The following SCAMP5 variants were observed in gnomAD, a reference collection of about 807,000 sequenced individuals.
SCAMP5 encodes the protein secretory carrier membrane protein 5.
SCAMP5 carries 7 observed loss-of-function variants against 28.3 expected under a neutral mutation model. The ratio of observed to expected loss-of-function variants is 0.25; its 90% CI spans 0.14 to 0.46. The LOEUF is 0.46. SCAMP5 is among the 20% of genes least tolerant of loss of function. The pLI, the probability that SCAMP5 is intolerant of heterozygous loss-of-function variation, is 0.99. For synonymous variants in SCAMP5, 117 were observed against 116.4 expected (o/e 1.00, Z -0.03); for missense variants, 192 against 312.5 (o/e 0.61, Z 2.91).
In SCAMP5 at chr15:75,018,715, T is replaced by C. The variant is rs1436292739; in HGVS notation, c.514-74T>C. The C allele has an allele frequency of 8.5e-7, 1 of 1,175,530 alleles. No homozygotes were observed. The highest frequency in any genetic ancestry group is 2.3e-5 in the East Asian group (1 of 42,824). The allele number at this position is 1,175,530 out of a possible 1,614,324, so 72.8% of individuals were successfully genotyped here. ...GGGAGCACTGTTTTTTTTTTACAGATGGGTCCCATCTATTTCCTGGATGGG... is the reference window on the plus strand; with the variant it reads ...GGGAGCACTGTTTTTTTTTTACAGACGGGTCCCATCTATTTCCTGGATGGG... On this transcript the variant is annotated intron_variant, in intron 6 of 6. Transcript: ENST00000425597. The surrounding 1 kb of genome is among the most constrained non-coding windows in gnomAD (Gnocchi z 5.6).
intron 1 of SCAMP5, among the ~76,000 whole-genome samples, chr15:75,009,453 G>GTGTGTGTGT (rs1257526366): frequency 6.6e-6 from 1 of 150,944 alleles, no homozygotes. Context: ...GTGTGTGTGT[G>GTGTGTGTGT]TGTGTGTGTG....
chr15:75,002,685 C>T (rs1004192080), intron 1 of SCAMP5, among the ~76,000 whole-genome samples: 4 of 151,782 alleles, frequency 2.6e-5, no homozygotes, highest in African/African-American at 9.7e-5. Flanking sequence ...GGGCTTTCCT[C>T]GTGTCTCATC....
chr15:74,998,268 A>G (rs1646243241), intron 1 of SCAMP5, among the ~76,000 whole-genome samples: 1 of 152,186 alleles, frequency 6.6e-6, no homozygotes, highest in Non-Finnish European at 1.5e-5. Flanking sequence ...ATTATAAAAG[A>G]TTATCAGTTG....
At chr15:75,012,166 T>C (rs2065817587) in intron 2 of SCAMP5, among the ~76,000 whole-genome samples, 1 of 152,232 alleles carries the variant, frequency 6.6e-6, no homozygotes. Context: ...TCTAATACTC[T>C]GAGGCCTTTT....
In SCAMP5 at chr15:75,018,636, G is replaced by A; in HGVS notation, c.513+101G>A. The A allele has an allele frequency of 9.4e-7, 1 of 1,062,456 alleles. No individual in the cohort carries two copies. The highest frequency in any genetic ancestry group is 2.4e-5 in the East Asian group (1 of 42,386). The allele number at this position is 1,062,456 out of a possible 1,614,324, so 65.8% of individuals were successfully genotyped here. On this transcript the variant is annotated intron_variant, in intron 6 of 6. Coordinates refer to ENST00000425597, the MANE Select transcript of SCAMP5 (RefSeq NM_138967.4). This position sits in a 1 kb window ranked among gnomAD's most constrained non-coding sequence, Gnocchi z 5.6. ...GCAAGAGGATCCCGAGGTCTTCCAAGGGACTCACTCTGGAATGGCCTGCAG... is the reference window on the plus strand; with the variant it reads ...GCAAGAGGATCCCGAGGTCTTCCAAAGGACTCACTCTGGAATGGCCTGCAG...
At chr15:75,014,828 G>C (rs548400709) in intron 3 of SCAMP5, among the ~76,000 whole-genome samples, 2 of 152,156 alleles carry the variant, frequency 1.3e-5, no homozygotes, top group Non-Finnish European at 2.9e-5. Flanking sequence ...AGGTTGGACT[G>C]GGGAGAGATG....
Position 75,016,731 on chromosome 15 carries a change from C to T in SCAMP5, c.275C>T (p.Pro92Leu). Reference sequence around the variant, plus strand: ...TGCTCCTACGTCTGCTGGTTTCGGCCCATTTACAAGGCCTTCAAGTAAGTG... The same window carrying T: ...TGCTCCTACGTCTGCTGGTTTCGGCTCATTTACAAGGCCTTCAAGTAAGTG... ...TPCSYVCWFRPIYKAFKTDSS... is the reference protein window; with the variant it reads ...TPCSYVCWFRLIYKAFKTDSS... The change falls in exon 4 of 7, where the codon CCC (proline) becomes CTC (leucine). Residue 92 changes from proline (P) to leucine (L), a missense_variant. By Grantham distance (98) the Pro-to-Leu change is moderately conservative. Coordinates refer to ENST00000425597, the MANE Select transcript of SCAMP5 (RefSeq NM_138967.4). 2.5e-6 allele frequency: 4 copies of T among 1,613,686 alleles called. No homozygotes were observed. The highest frequency in any genetic ancestry group is 3.4e-6 in the Non-Finnish European group (4 of 1,179,782).
At chr15:75,017,830 C>T in intron 4 of SCAMP5, 40 bp from the exon 5 acceptor site, 1 of 1,321,826 alleles carries the variant, frequency 7.6e-7, no homozygotes, top group Non-Finnish European at 1.1e-6. Flanking sequence ...GAAGCCCTGG[C>T]CCTCTGCCCA....
In SCAMP5 at chr15:75,020,549, G is replaced by A. The variant is rs1328449408; in HGVS notation, c.*1566G>A. On this transcript the variant is annotated 3_prime_UTR_variant, in exon 7 of 7. Transcript: ENST00000425597. The stretch of plus-strand genomic sequence containing the variant: ...GGTCTTGGCTTGTCCTCACCCAGTC[G>A]GAACTCCCTACCACTTTCAGGAGAG... The A allele has an allele frequency of 6.6e-6, 1 of 152,290 alleles. No homozygotes were observed. The highest frequency in any genetic ancestry group is 1.5e-5 in the Non-Finnish European group (1 of 68,102). 9.4% of individuals were successfully genotyped at this position (152,290 alleles called of 1,614,324 possible).
intron 1 of SCAMP5, among the ~76,000 whole-genome samples, chr15:75,004,858 A>G (rs934215545): frequency 1.3e-5 from 2 of 151,800 alleles, no homozygotes; most frequent in African/African-American, 4.8e-5. Flanking sequence ...TGTCCTAAAA[A>G]TGTCCTTTAT....
chr15:75,012,690 C>T lies in SCAMP5; in HGVS notation c.21C>T (p.Asn7=). 6.2e-7 allele frequency: 1 copy of T among 1,613,992 alleles called. No individual in the cohort carries two copies. The highest frequency in any genetic ancestry group is 8.5e-7 in the Non-Finnish European group (1 of 1,179,848). The change falls in exon 3 of 7, where the codon AAC becomes AAT. Residue 7 remains asparagine (N), a synonymous_variant. Coordinates refer to ENST00000425597, the MANE Select transcript of SCAMP5 (RefSeq NM_138967.4). MAEKVN[N]FPPLPKFIPL... ...TCTCATCCACAGAGAAAGTGAACAACTTCCCACCATTGCCCAAATTCATCC... is the reference window on the plus strand; with the variant it reads ...TCTCATCCACAGAGAAAGTGAACAATTTCCCACCATTGCCCAAATTCATCC...
intron 1 of SCAMP5, among the ~76,000 whole-genome samples, chr15:75,000,620 G>A (rs560158971): frequency 2.6e-5 from 4 of 151,088 alleles, no homozygotes; most frequent in East Asian, 2.0e-4. Context: ...TCCTGACCTC[G>A]TGATCCGCCC....
chr15:74,998,083 C>G (rs1201616416), intron 1 of SCAMP5, among the ~76,000 whole-genome samples: 1 of 152,202 alleles, frequency 6.6e-6, no homozygotes, highest in African/African-American at 2.4e-5. Context: ...CGTCTGCTGC[C>G]AGAGGCCTCA....
chr15:75,016,645 C>T lies in SCAMP5; in HGVS notation c.189C>T (p.Ile63=), dbSNP rs765732900. The T allele has an allele frequency of 2.5e-5, 40 of 1,613,672 alleles. No individual in the cohort carries two copies. Among genetic ancestry groups the T allele is most frequent in the Non-Finnish European group, 3.1e-5 (36 of 1,179,860 alleles). ...VNLVGCLAWL[I]GGGGATNFGL... ...TGGTGGGCTGTCTCGCGTGGCTGAT[C>T]GGAGGCGGGGGAGCCACCAACTTTG... Residue 63 remains isoleucine, a synonymous_variant, in exon 4 of 7, where the codon ATC becomes ATT. Transcript: ENST00000425597.
At chr15:75,001,485 A>G (rs2065707718) in intron 1 of SCAMP5, among the ~76,000 whole-genome samples, 1 of 151,246 alleles carries the variant, frequency 6.6e-6, no homozygotes, top group Non-Finnish European at 1.5e-5. Flanking sequence ...TCTATCACAG[A>G]GAAAATTGGG....
intron 3 of SCAMP5, 177 bp downstream of exon 3, chr15:75,012,982 A>C: frequency 1.6e-6 from 1 of 610,804 alleles, no homozygotes; most frequent in South Asian, 2.0e-5. Context: ...TCCATGGGCC[A>C]CCTCCCCGAC....
rs769912449 is a variant in SCAMP5 at position 75,012,771 on chromosome 15, C to T, written c.102C>T (p.Val34=). The T allele has an allele frequency of 1.2e-6, 2 of 1,614,030 alleles. No homozygotes were observed. Among genetic ancestry groups the T allele is most frequent in the Non-Finnish European group, 8.5e-7 (1 of 1,179,874 alleles). Residue 34 remains valine (V), a synonymous_variant, in exon 3 of 7, where the codon GTC becomes GTT. Coordinates refer to ENST00000425597, the MANE Select transcript of SCAMP5 (RefSeq NM_138967.4). ...AGGCAGATATTCCTCCCCAGCATGT[C>T]AGCATGACCAAGCGCCTCTACTACC... ...DFEADIPPQH[V]SMTKRLYYLW...
chr15:75,012,288 G>A (rs948349322), intron 2 of SCAMP5, among the ~76,000 whole-genome samples: 1 of 152,212 alleles, frequency 6.6e-6, no homozygotes, highest in East Asian at 1.9e-4. Context: ...AGAGAGGGGC[G>A]ATGATTTGCC....
At chr15:75,017,754 G>T (rs777948623) in intron 4 of SCAMP5, 116 bp from the exon 5 acceptor site, 2 of 751,556 alleles carry the variant, frequency 2.7e-6, no homozygotes, top group Non-Finnish European at 4.8e-6. Flanking sequence ...CTCAATTAAG[G>T]CCTTTAAATG....
Sources: gnomAD v4.1 joint callset for allele counts (sites outside exome capture counted in the v4.1 genomes callset) on GRCh38, gnomAD v4.1.1 for gene constraint, Gnocchi (gnomAD v3.1) non-coding constraint, MANE v1.5 for transcripts, NCBI Gene and HGNC (gene_info 2026-07-23, HGNC 2026-07-21) for gene names.